The following GRID1 variants were observed in gnomAD, a reference collection of about 807,000 sequenced individuals.
The protein encoded by GRID1 is glutamate ionotropic receptor delta type subunit 1.
GRID1 carries 28 observed loss-of-function variants against 98.0 expected under a neutral mutation model. The observed-to-expected ratio is 0.29, with a 90% CI of 0.21 to 0.39. The LOEUF is 0.39. Ranked by LOEUF, GRID1 falls within the 10% of genes least tolerant of loss-of-function variation. The pLI is 1.00. For missense variants in GRID1, 1,111 were observed against 1,340.5 expected (o/e 0.83, Z 2.67); for synonymous variants, 553 against 538.5 (o/e 1.03, Z -0.37).
At chr10:85,906,826 G>A (rs1005503630) in intron 5 of GRID1, among the ~76,000 whole-genome samples, 7 of 151,612 alleles carry the variant, frequency 4.6e-5, no homozygotes, top group African/African-American at 1.7e-4. Context: ...GGGGAAAAAA[G>A]AGCAAATTAA....
At chr10:85,659,578 G>C (rs961798813) in intron 12 of GRID1, among the ~76,000 whole-genome samples, 15 of 152,176 alleles carry the variant, frequency 9.9e-5, no homozygotes, top group African/African-American at 3.1e-4. Context: ...AGCACACATG[G>C]GCCAGTGATT....
intron 2 of GRID1, among the ~76,000 whole-genome samples, chr10:86,320,919 G>A (rs906977316): frequency 1.3e-5 from 2 of 152,018 alleles, no homozygotes; most frequent in Non-Finnish European, 2.9e-5. Context: ...CTAACACGGT[G>A]AAACCCCGTC....
chr10:85,689,012 G>C (rs1222868654), intron 12 of GRID1, among the ~76,000 whole-genome samples: 1 of 152,134 alleles, frequency 6.6e-6, no homozygotes, highest in African/African-American at 2.4e-5. Context: ...CTTGGTTTTA[G>C]CACTTTGTTC....
chr10:85,761,117 G>A (rs1054635018), intron 8 of GRID1, among the ~76,000 whole-genome samples: 1 of 152,144 alleles, frequency 6.6e-6, no homozygotes, highest in Admixed American at 6.5e-5. Context: ...AACTTTTTAC[G>A]GGTATCCCAG....
chr10:85,903,574 T>A (rs372710427), intron 5 of GRID1, among the ~76,000 whole-genome samples: 138 of 152,038 alleles, frequency 9.1e-4, no homozygotes, highest in South Asian at 3.3e-3. Flanking sequence ...TTCAAAAAAA[T>A]ATATATATAT....
At chr10:85,610,571 C>T (rs1367699493) in intron 15 of GRID1, among the ~76,000 whole-genome samples, 2 of 152,226 alleles carry the variant, frequency 1.3e-5, no homozygotes, top group Non-Finnish European at 2.9e-5. Flanking sequence ...ATAACCAGCA[C>T]CCCTAACCCC....
chr10:86,029,712 T>G (rs565876517), intron 4 of GRID1, among the ~76,000 whole-genome samples: 28 of 152,226 alleles, frequency 1.8e-4, no homozygotes, highest in African/African-American at 6.5e-4. Context: ...GGTGATCTTC[T>G]GAAGCTTGAA....
intron 3 of GRID1, among the ~76,000 whole-genome samples, chr10:86,170,485 AGG>A (rs1845467954): frequency 6.6e-6 from 1 of 152,194 alleles, no homozygotes; most frequent in Non-Finnish European, 1.5e-5. Flanking sequence ...CCCCCAGGAG[AGG>A]GCAATGCCCT....
chr10:85,726,779 C>T (rs2132654974), intron 10 of GRID1, among the ~76,000 whole-genome samples: 1 of 152,286 alleles, frequency 6.6e-6, no homozygotes, highest in South Asian at 2.1e-4. Flanking sequence ...ATGGCATTAA[C>T]TATAAGTAGG....
At chr10:85,604,581 G>C (rs1031849701) in intron 15 of GRID1, among the ~76,000 whole-genome samples, 1 of 152,112 alleles carries the variant, frequency 6.6e-6, no homozygotes, top group African/African-American at 2.4e-5. Context: ...GTGGGAACTG[G>C]CTGGAGAATG....
At chr10:86,227,378 G>GT (rs1441428897) in intron 2 of GRID1, among the ~76,000 whole-genome samples, 37 of 152,274 alleles carry the variant, frequency 2.4e-4, no homozygotes, top group Middle Eastern at 3.4e-3. Context: ...GCTCATAGTA[G>GT]TGGGGGGCTG....
At chr10:85,869,851 A>G (rs1843259515) in intron 5 of GRID1, among the ~76,000 whole-genome samples, 1 of 152,190 alleles carries the variant, frequency 6.6e-6, no homozygotes, top group African/African-American at 2.4e-5. Flanking sequence ...ATTGACTACA[A>G]AAAGCCCTTT....
At chr10:85,961,077 G>T (rs1372899064) in intron 4 of GRID1, among the ~76,000 whole-genome samples, 1 of 152,124 alleles carries the variant, frequency 6.6e-6, no homozygotes, top group African/African-American at 2.4e-5. Flanking sequence ...AGTGGGCCCT[G>T]CCTTGTTGAA....
At chr10:85,962,056 G>A (rs1419159780) in intron 4 of GRID1, among the ~76,000 whole-genome samples, 1 of 152,266 alleles carries the variant, frequency 6.6e-6, no homozygotes, top group Non-Finnish European at 1.5e-5. Context: ...AAGAAAGGCA[G>A]AGGGAGGGAG....
chr10:86,162,535 AC>A (rs954797603), intron 3 of GRID1, among the ~76,000 whole-genome samples: 1 of 152,232 alleles, frequency 6.6e-6, no homozygotes, highest in African/African-American at 2.4e-5. Flanking sequence ...TGGATAAGGC[AC>A]ATAGTAGCTC....
chr10:86,057,032 G>A (rs941024514), intron 4 of GRID1, among the ~76,000 whole-genome samples: 2 of 152,216 alleles, frequency 1.3e-5, no homozygotes, highest in Admixed American at 1.3e-4. Context: ...ATAAAGGGCT[G>A]CTGTCCCTGG....
At chr10:86,037,802 G>T (rs1843288463) in intron 4 of GRID1, among the ~76,000 whole-genome samples, 1 of 152,154 alleles carries the variant, frequency 6.6e-6, no homozygotes, top group South Asian at 2.1e-4. Context: ...GGGTGGGCGT[G>T]GGAAGCCCTG....
intron 2 of GRID1, among the ~76,000 whole-genome samples, chr10:86,213,592 A>G (rs1214932165): frequency 6.6e-6 from 1 of 151,694 alleles, no homozygotes; most frequent in African/African-American, 2.4e-5. Context: ...GCCTTTTCCC[A>G]CACCCAGATC....
At chr10:86,108,884 G>T (rs1844433344) in intron 4 of GRID1, among the ~76,000 whole-genome samples, 1 of 152,108 alleles carries the variant, frequency 6.6e-6, no homozygotes, top group Non-Finnish European at 1.5e-5. Flanking sequence ...TCTTAGGGCA[G>T]ACCCCACCGA....
Sources: allele counts gnomAD v4.1 joint callset (sites outside exome capture counted in the v4.1 genomes callset), GRCh38; gene constraint gnomAD v4.1.1; transcripts MANE v1.5; gene names NCBI Gene and HGNC (gene_info 2026-07-23, HGNC 2026-07-21).